Variants in STARD4 observed in about 807,000 individuals in gnomAD.
The protein encoded by STARD4 is StAR related lipid transfer domain containing 4.
A neutral mutation model predicts 24.9 loss-of-function variants in STARD4; 33 were observed. The ratio of observed to expected loss-of-function variants is 1.32; its 90% CI spans 1.00 to 1.77. The LOEUF (loss-of-function observed/expected upper bound fraction) is 1.77. Ranked by LOEUF, STARD4 falls within the 40% of genes most tolerant of loss-of-function variation. The probability of loss-of-function intolerance (pLI) is 0.00; values close to 1 mark genes in which losing one functional copy is unlikely to be tolerated. For synonymous variants in STARD4, 88 were observed against 77.4 expected, an observed-to-expected ratio of 1.14 and a Z score of -0.72; for missense variants, 238 against 249.3, an observed-to-expected ratio of 0.95 and a Z score of 0.31.
In STARD4 at chr5:111,507,179, G is replaced by C. The variant is rs1210637079; in HGVS notation, c.105+150C>G. On this transcript the variant is annotated intron_variant, in intron 2 of 5. Transcript: ENST00000296632. The surrounding 1 kb of genome is among the most constrained non-coding windows in gnomAD (Gnocchi z 4.4). ...GCATTTCTTCCTCTGTGTGACATTA[G>C]ACTATCAACTTTATTAGCTCAATTA... is the stretch of plus-strand genomic sequence containing the variant. 2 of 620,734 alleles carry C rather than the reference G, an allele frequency of 3.2e-6. No homozygotes were observed. The highest frequency in any genetic ancestry group is 5.5e-6 in the Non-Finnish European group (2 of 364,382). 38.5% of individuals were successfully genotyped at this position (620,734 alleles called of 1,614,324 possible). A position where few individuals can be genotyped will look rare whatever the true frequency, so the allele number is the denominator to read the frequency against.
intron 4 of STARD4, 43 bp from the exon 5 acceptor site, chr5:111,501,159 C>T (rs1274472559): frequency 6.5e-7 from 1 of 1,539,872 alleles, no homozygotes; most frequent in South Asian, 1.3e-5. Flanking sequence ...CTATAGGAAA[C>T]ATACATAGCT....
In STARD4 at chr5:111,498,230, G is replaced by C. The variant is rs552005789; in HGVS notation, c.*1656C>G. The C allele has an allele frequency of 6.6e-6, 1 of 151,850 alleles. No individual in the cohort carries two copies. The highest frequency in any genetic ancestry group is 2.1e-4 in the South Asian group (1 of 4,794). 9.4% of individuals were successfully genotyped at this position (151,850 alleles called of 1,614,324 possible). On this transcript the variant is annotated 3_prime_UTR_variant, in exon 6 of 6. Coordinates refer to ENST00000296632, the MANE Select transcript of STARD4 (RefSeq NM_139164.3). ...TCACAGTGAAAATGTTTCCATGAGG[G>C]TAATTTTACCTAGAGTGGGTCCATG...
intron 3 of STARD4, among the ~76,000 whole-genome samples, chr5:111,505,761 G>A (rs116820728): frequency 1.3e-5 from 2 of 151,900 alleles, no homozygotes; most frequent in African/African-American, 4.8e-5. Flanking sequence ...ATATTAGAAG[G>A]GTCATGTATA....
chr5:111,505,115 A>G (rs1756758822), intron 3 of STARD4: 1 of 438,648 alleles, frequency 2.3e-6, no homozygotes, highest in South Asian at 1.7e-5. Context: ...TGCCTAGAAC[A>G]TGAACTCTTT....
rs1254306995 is a variant in STARD4, at chr5:111,502,058, A to G, written c.186T>C (p.Leu62=). 3 of 1,614,030 alleles carry G rather than the reference A, an allele frequency of 1.9e-6. No homozygotes were observed. The highest frequency in any genetic ancestry group is 1.7e-5 in the Admixed American group (1 of 59,990). The change falls in exon 4 of 6, where the codon CTT becomes CTC. Residue 62 remains leucine (L), a synonymous_variant. Coordinates refer to ENST00000296632, the MANE Select transcript of STARD4 (RefSeq NM_139164.3). The part of the protein sequence containing the change: ...LYKAQGVIDD[L]VYSIIDHIRP... ...GTATATGGTCTATTATACTATAGAC[A>G]AGGTCATCTATAACACCTTGGGCTT...
intron 1 of STARD4, 57 bp downstream of exon 1, chr5:111,512,328 C>G (rs1386470218): frequency 1.3e-5 from 2 of 152,514 alleles, no homozygotes; most frequent in African/African-American, 4.8e-5. Flanking sequence ...CCGGGCGCCA[C>G]AGTCGCCCTC....
intron 3 of STARD4, among the ~76,000 whole-genome samples, chr5:111,503,652 A>G (rs1756636500): frequency 6.6e-6 from 1 of 152,136 alleles, no homozygotes; most frequent in Admixed American, 6.5e-5. Context: ...AAAAACACAT[A>G]AAAGGAAAAA....
intron 2 of STARD4, 37 bp from the exon 3 acceptor site, chr5:111,506,416 T>C (rs1274013574): frequency 9.4e-7 from 1 of 1,062,104 alleles, no homozygotes; most frequent in East Asian, 2.5e-5. Context: ...AATAATTGCA[T>C]AGGTGGAACC....
chr5:111,505,547 G>A (rs1419550887), intron 3 of STARD4, among the ~76,000 whole-genome samples: 1 of 152,056 alleles, frequency 6.6e-6, no homozygotes, highest in East Asian at 1.9e-4. Context: ...CAAAAATGTG[G>A]TTTTTAAAGG....
Position 111,502,044 on chromosome 5 carries a change from A to T in STARD4, c.200T>A (p.Ile67Lys). The T allele has an allele frequency of 6.2e-7, 1 of 1,614,198 alleles. No homozygotes were observed. The highest frequency in any genetic ancestry group is 8.5e-7 in the Non-Finnish European group (1 of 1,180,022). The change falls in exon 4 of 6, where the codon ATA becomes AAA. Residue 67 changes from isoleucine to lysine, a missense_variant. By Grantham distance (102) the Ile-to-Lys change is moderately radical. Transcript: ENST00000296632. ...GVIDDLVYSI[I>K]DHIRPGPCRL... ...ACAAGGCCCTGGGCGTATATGGTCT[A>T]TTATACTATAGACAAGGTCATCTAT...
At position 111,500,006 on chromosome 5, in the gene STARD4, C is replaced by A. The variant is rs768911828; in HGVS notation, c.498G>T (p.Gln166His). Residue 166 changes from glutamine to histidine, a missense_variant, in exon 6 of 6, where the codon CAG becomes CAT. Transcript: ENST00000296632. ...TCTGAATATATCCTGTCAAAAGACT[C>A]TGGTTTGGGTTGTCTTTAAGTGGAA... ...FCVPLKDNPNQSLLTGYIQTD... is the reference protein window; with the variant it reads ...FCVPLKDNPNHSLLTGYIQTD... The A allele has an allele frequency of 1.2e-6, 2 of 1,614,166 alleles. No homozygotes were observed. The highest frequency in any genetic ancestry group is 1.7e-6 in the Non-Finnish European group (2 of 1,180,016).
rs1198169996 is a variant in STARD4 at position 111,496,190 on chromosome 5, A to G, written c.*3696T>C. 1 of 151,992 alleles carries G rather than the reference A, an allele frequency of 6.6e-6. No homozygotes were observed. The highest frequency in any genetic ancestry group is 1.5e-5 in the Non-Finnish European group (1 of 67,908). 9.4% of individuals were successfully genotyped at this position (151,992 alleles called of 1,614,324 possible). A position where few individuals can be genotyped will look rare whatever the true frequency, so the allele number is the denominator to read the frequency against. ...TATAAACTTCTTAAAAATAAAATCT[A>G]TACTATAGCTTTTATTGAACTGCAA... On this transcript the variant is annotated 3_prime_UTR_variant, in exon 6 of 6. Coordinates refer to ENST00000296632, the MANE Select transcript of STARD4 (RefSeq NM_139164.3).
intron 3 of STARD4, chr5:111,506,068 C>G (rs1580858535): frequency 4.8e-6 from 1 of 207,146 alleles, no homozygotes; most frequent in Non-Finnish European, 9.6e-6. Flanking sequence ...GTGGCAGGTG[C>G]CTGTAATCCG....
At chr5:111,505,870 G>C (rs114727898) in intron 3 of STARD4, among the ~76,000 whole-genome samples, 1,931 of 152,028 alleles carry the variant, frequency 0.013, 45 homozygotes, top group African/African-American at 0.043. Context: ...CATTTTTAAG[G>C]CTCTGAATTC....
At chr5:111,501,756 A>T (rs392341) in intron 4 of STARD4, among the ~76,000 whole-genome samples, 20,272 of 152,148 alleles carry the variant, frequency 0.13, 1,455 homozygotes, top group East Asian at 0.18. Flanking sequence ...AAAGAAACTC[A>T]GTCTAACACT....
chr5:111,505,151 C>T (rs1756761993), intron 3 of STARD4: 1 of 399,724 alleles, frequency 2.5e-6, no homozygotes, highest in South Asian at 1.9e-5. Flanking sequence ...ACTTATTCTT[C>T]CCTTAAGTGT....
In STARD4 at chr5:111,503,970, A is replaced by G. The variant is rs1462244833; in HGVS notation, c.156-1882T>C. Among the ~76,000 whole-genome samples the G allele has an allele frequency of 2.0e-5, 3 of 152,324 alleles. No individual in the cohort carries two copies. The East Asian group carries it at 5.8e-4, about 29-fold the overall frequency. ...AAGGACATGGTAAGACTGACCTGAA[A>G]TGTCAAGAAATATACAAAAGATTTC... On this transcript the variant is annotated intron_variant, in intron 3 of 5. Coordinates refer to ENST00000296632, the MANE Select transcript of STARD4 (RefSeq NM_139164.3).
rs1032697700 is a variant in STARD4, at chr5:111,507,756, G to A, written c.-9-314C>T. Among the ~76,000 whole-genome samples, 2 of 152,206 alleles carry A rather than the reference G, an allele frequency of 1.3e-5. No homozygotes were observed. The highest frequency in any genetic ancestry group is 1.3e-4 in the Admixed American group (2 of 15,282). On this transcript the variant is annotated intron_variant, in intron 1 of 5. Transcript: ENST00000296632. The surrounding 1 kb of genome is among the most constrained non-coding windows in gnomAD (Gnocchi z 4.4). The stretch of plus-strand genomic sequence containing the variant: ...ATTGTATCTCATATATAGATATGCT[G>A]TTAACTCTCAAACATTTACCTCCAG...
chr5:111,504,505 G>T (rs1756699838), intron 3 of STARD4, among the ~76,000 whole-genome samples: 1 of 152,112 alleles, frequency 6.6e-6, no homozygotes, highest in Non-Finnish European at 1.5e-5. Flanking sequence ...GTCAAAGTAT[G>T]AAACAGGAAC....
Sources: allele counts gnomAD v4.1 joint callset (sites outside exome capture counted in the v4.1 genomes callset), GRCh38; gene constraint gnomAD v4.1.1; non-coding constraint Gnocchi (gnomAD v3.1); transcripts MANE v1.5; gene names NCBI Gene and HGNC (gene_info 2026-07-23, HGNC 2026-07-21).